Variants in CHD8 observed in about 807,000 individuals in gnomAD.
CHD8 encodes the protein ATP-dependent chromatin remodeler CHD8.
In CHD8, 31 loss-of-function variants were observed where a neutral mutation model predicts 279.2. The ratio of observed to expected loss-of-function variants is 0.11; its 90% CI spans 0.08 to 0.15. The LOEUF (loss-of-function observed/expected upper bound fraction) is 0.15. CHD8 is among the 10% of genes least tolerant of loss of function. The probability of loss-of-function intolerance (pLI) is 1.00; values close to 1 mark genes in which losing one functional copy is unlikely to be tolerated. For missense variants in CHD8, 2,146 were observed against 3,230.5 expected, an observed-to-expected ratio of 0.66 and a Z score of 8.14; for synonymous variants, 1,081 against 1,139.6, an observed-to-expected ratio of 0.95 and a Z score of 1.04.
At chr14:21,441,335 T>C (rs1045295829) in intron 1 of CHD8, among the ~76,000 whole-genome samples, 3 of 152,168 alleles carry the variant, frequency 2.0e-5, no homozygotes, top group African/African-American at 7.2e-5. Context: ...ATCCTTGCAA[T>C]AAATTTTCTT....
intron 1 of CHD8, among the ~76,000 whole-genome samples, chr14:21,445,073 T>G (rs1402963579): frequency 9.2e-5 from 14 of 152,174 alleles, no homozygotes; most frequent in Non-Finnish European, 2.9e-5. Flanking sequence ...GAAACCTACC[T>G]TACTACCCGT....
intron 11 of CHD8, among the ~76,000 whole-genome samples, chr14:21,409,122 T>G (rs1177573120): frequency 6.6e-6 from 1 of 152,148 alleles, no homozygotes; most frequent in African/African-American, 2.4e-5. Flanking sequence ...CTAATAGAGC[T>G]TTCTACAACA....
rs375345646 is a variant in CHD8, at chr14:21,394,381, A to G, written c.5495T>C (p.Phe1832Ser). The stretch of plus-strand genomic sequence containing the variant: ...ATCTGTCTTTTTGTCTAGTCGAGCA[A>G]AAGTGCGGAAGCGATCCCAATGGAA... ...MQFHWDRFRT[F>S]ARLDKKTDES... is the part of the protein sequence containing the mutation. The change falls in exon 31 of 38, where the codon TTT (phenylalanine) becomes TCT (serine). Residue 1832 changes from phenylalanine (F) to serine (S), a missense_variant. This residue lies in a region of CHD8 where 513 missense variants were observed against 637.6 expected (regional missense o/e 0.80). Transcript: ENST00000646647. The G allele has an allele frequency of 1.2e-6, 2 of 1,614,014 alleles. No homozygotes were observed. Among genetic ancestry groups the G allele is most frequent in the Non-Finnish European group, 1.7e-6 (2 of 1,179,894 alleles).
At chr14:21,449,007 T>C (rs1890194002) in intron 1 of CHD8, among the ~76,000 whole-genome samples, 1 of 151,706 alleles carries the variant, frequency 6.6e-6, no homozygotes, top group African/African-American at 2.4e-5. Flanking sequence ...ACCCCATCTC[T>C]ACTAAAAATA....
At chr14:21,391,329 T>C in intron 36 of CHD8, 134 bp downstream of exon 36, 4 of 838,264 alleles carry the variant, frequency 4.8e-6, no homozygotes, top group Non-Finnish European at 7.3e-6. Flanking sequence ...GTTGGAAGAC[T>C]GGGTATTATT....
rs1889163331 is a variant in CHD8 at position 21,423,751 on chromosome 14, CTT to C, written c.1716+2375_1716+2376del. 3.9e-5 allele frequency among the ~76,000 whole-genome samples: 6 copies of C among 152,288 alleles called. No individual in the cohort carries two copies. The South Asian group carries it at 1.2e-3, about 32-fold the overall frequency. On this transcript the variant is annotated intron_variant, in intron 5 of 37. Transcript: ENST00000646647. ...TCATCCACAGCATATGTATGTAAGT[CTT>C]AATATGTGTTCTTACTATGAGCCAA...
intron 1 of CHD8, chr14:21,455,179 C>T (rs1418444680): frequency 6.6e-6 from 1 of 152,226 alleles, no homozygotes; most frequent in Non-Finnish European, 1.5e-5. Context: ...AAATCTTTGA[C>T]TTCTGGCTCA....
At chr14:21,391,407 CA>C (rs1887532903) in intron 36 of CHD8, 55 bp downstream of exon 36, 1 of 1,511,362 alleles carries the variant, frequency 6.6e-7, no homozygotes, top group African/African-American at 1.4e-5. Flanking sequence ...CTTTCTCATG[CA>C]GCTTAAATAC....
intron 37 of CHD8, among the ~76,000 whole-genome samples, chr14:21,387,342 C>T (rs1887297371): frequency 6.7e-6 from 1 of 149,118 alleles, no homozygotes; most frequent in Admixed American, 6.7e-5. Context: ...CAAAATTAGC[C>T]GGGAGTCAGC....
rs988716217 is a variant in CHD8, at chr14:21,397,813, T to C, written c.5051+10A>G. The C allele has an allele frequency of 1.2e-6, 2 of 1,612,672 alleles. No homozygotes were observed. The highest frequency in any genetic ancestry group is 1.7e-5 in the Admixed American group (1 of 59,904). On this transcript the variant is annotated intron_variant, in intron 27 of 37. Coordinates refer to ENST00000646647, the MANE Select transcript of CHD8 (RefSeq NM_001170629.2). The stretch of plus-strand genomic sequence containing the variant: ...GTTAGAGTTTTAAAAGAACAAATAC[T>C]AATGCTTACCCTTCTACTATGTCAG...
In CHD8 at chr14:21,408,184, T is replaced by C. The variant is rs1888334279; in HGVS notation, c.2730+128A>G. 6.0e-6 allele frequency: 7 copies of C among 1,166,494 alleles called. No homozygotes were observed. In the Admixed American group the frequency reaches 7.0e-5, roughly 12 times the overall value. 72.3% of individuals were successfully genotyped at this position (1,166,494 alleles called of 1,614,324 possible). ...TGCTATACAAAAATGCCTTAAACCA[T>C]AGGCATTTTTGCATAGGCATATTGA... On this transcript the variant is annotated intron_variant, in intron 13 of 37. Transcript: ENST00000646647. This position sits in a 1 kb window ranked among gnomAD's most constrained non-coding sequence, Gnocchi z 4.3.
chr14:21,435,602 A>AT (rs1889750403), intron 1 of CHD8, among the ~76,000 whole-genome samples: 2 of 152,156 alleles, frequency 1.3e-5, no homozygotes, highest in Admixed American at 1.3e-4. Flanking sequence ...ATCTCTCCAT[A>AT]CCTTTCAACA....
chr14:21,436,737 T>C (rs1889794121), intron 1 of CHD8, among the ~76,000 whole-genome samples: 1 of 151,732 alleles, frequency 6.6e-6, no homozygotes, highest in Admixed American at 6.6e-5. Flanking sequence ...AAAAGCAAAA[T>C]AGGCAACTAC....
chr14:21,405,419 G>C lies in CHD8; in HGVS notation c.3097C>G (p.Leu1033Val). The C allele has an allele frequency of 6.2e-7, 1 of 1,601,216 alleles. No homozygotes were observed. The highest frequency in any genetic ancestry group is 1.7e-4 in the Middle Eastern group (1 of 6,046). ...AAGTTTTTTTCAACATCCTCTTTGA[G>C]TCTTCTCAGCATCATTGGCTTAAGA... ...AILKPMMLRRLKEDVEKNLAP... is the reference protein window; with the variant it reads ...AILKPMMLRRVKEDVEKNLAP... The change falls in exon 16 of 38, where the codon CTC becomes GTC. Residue 1033 changes from leucine (L) to valine (V), a missense_variant. Physicochemically the swap from Leu to Val is conservative, Grantham distance 32 (BLOSUM62 1). Around this residue, in one of 26 missense-constraint regions of CHD8, gnomAD observed 211 missense variants for 464.7 expected, o/e 0.45. Coordinates refer to ENST00000646647, the MANE Select transcript of CHD8 (RefSeq NM_001170629.2). This position sits in a 1 kb window ranked among gnomAD's most constrained non-coding sequence, Gnocchi z 4.2.
chr14:21,454,570 C>G (rs1352086679), intron 1 of CHD8, among the ~76,000 whole-genome samples: 4 of 152,224 alleles, frequency 2.6e-5, no homozygotes, highest in Non-Finnish European at 5.9e-5. Flanking sequence ...TCAAGTGATC[C>G]GTCCGCCTCC....
chr14:21,406,128 A>G (rs1048924993), intron 14 of CHD8, among the ~76,000 whole-genome samples: 1 of 152,164 alleles, frequency 6.6e-6, no homozygotes, highest in Non-Finnish European at 1.5e-5. Context: ...AGTAATTCTG[A>G]TTATGTTTAT....
intron 1 of CHD8, among the ~76,000 whole-genome samples, chr14:21,453,565 A>G (rs1890308363): frequency 6.6e-6 from 1 of 151,946 alleles, no homozygotes; most frequent in Non-Finnish European, 1.5e-5. Flanking sequence ...CAGTAATGTA[A>G]GGACAGGTCA....
At chr14:21,389,962 C>A (rs955656504) in intron 37 of CHD8, among the ~76,000 whole-genome samples, 1 of 152,122 alleles carries the variant, frequency 6.6e-6, no homozygotes, top group Non-Finnish European at 1.5e-5. Context: ...AGGCCGAGTG[C>A]GGTGGCTGAA....
intron 21 of CHD8, 91 bp downstream of exon 21, chr14:21,401,312 C>T (rs1594341794): frequency 1.2e-6 from 1 of 827,018 alleles, no homozygotes; most frequent in East Asian, 2.7e-5. Flanking sequence ...TCATAAATCA[C>T]AATTAGCATC....
Sources: gnomAD v4.1 joint callset for allele counts (sites outside exome capture counted in the v4.1 genomes callset) on GRCh38, gnomAD v4.1.1 for gene constraint, gnomAD v4.1.1 regional missense constraint, Gnocchi (gnomAD v3.1) non-coding constraint, MANE v1.5 for transcripts, NCBI Gene and HGNC (gene_info 2026-07-23, HGNC 2026-07-21) for gene names.